Variants in DCC observed in about 807,000 individuals in gnomAD.
The protein encoded by DCC is netrin receptor DCC.
A neutral mutation model predicts 172.5 loss-of-function variants in DCC; 58 were observed. That is an observed-to-expected ratio of 0.34 (90% CI 0.27 to 0.42). The LOEUF is 0.42. Among genes scored for constraint, DCC ranks in the 10% least tolerant of loss-of-function variants. The pLI, the probability that DCC is intolerant of heterozygous loss-of-function variation, is 1.00. For synonymous variants in DCC, 709 were observed against 644.5 expected, an observed-to-expected ratio of 1.10 and a Z score of -1.52; for missense variants, 1,740 against 1,791.0, an observed-to-expected ratio of 0.97 and a Z score of 0.51.
chr18:53,203,734 C>G (rs1267660588), intron 9 of DCC, among the ~76,000 whole-genome samples: 1 of 152,150 alleles, frequency 6.6e-6, no homozygotes, highest in African/African-American at 2.4e-5. Context: ...TACAGGCCTA[C>G]AATGTATATC....
At chr18:52,915,024 C>A (rs1195319625) in intron 3 of DCC, among the ~76,000 whole-genome samples, 3 of 151,970 alleles carry the variant, frequency 2.0e-5, no homozygotes, top group Non-Finnish European at 4.4e-5. Flanking sequence ...ATTCAGAAAG[C>A]ATAAAAATTA....
At chr18:53,087,571 T>C (rs2144164166) in intron 7 of DCC, among the ~76,000 whole-genome samples, 1 of 152,326 alleles carries the variant, frequency 6.6e-6, no homozygotes, top group Non-Finnish European at 1.5e-5. Flanking sequence ...ACTCTGATGG[T>C]AGTTTCTTTT....
At chr18:52,446,056 CT>C (rs1988111650) in intron 1 of DCC, among the ~76,000 whole-genome samples, 1 of 152,038 alleles carries the variant, frequency 6.6e-6, no homozygotes, top group Non-Finnish European at 1.5e-5. Flanking sequence ...CTCAGCCTCT[CT>C]GAGTAGCTGG....
At chr18:53,391,510 T>G (rs955258501) in intron 16 of DCC, 145 bp from the exon 17 acceptor site, 22 of 660,490 alleles carry the variant, frequency 3.3e-5, no homozygotes, top group Admixed American at 1.2e-4. Context: ...ATTAATTACA[T>G]TTTTTTCTGT....
At chr18:52,652,307 T>C (rs2035148851) in intron 1 of DCC, among the ~76,000 whole-genome samples, 1 of 152,184 alleles carries the variant, frequency 6.6e-6, no homozygotes, top group Admixed American at 6.6e-5. Flanking sequence ...TGAGAACAGA[T>C]TTCTGACCTC....
rs569240944 is a variant in DCC at position 52,774,825 on chromosome 18, C to T, written c.412+22451C>T. On this transcript the variant is annotated intron_variant, in intron 2 of 28. Transcript: ENST00000442544. ...GTCGAGGTGAAGGCATATATGACAC[C>T]TCTAGGAATAGTTAGTGTGATTTAC... Among the ~76,000 whole-genome samples the T allele has an allele frequency of 7.9e-5, 12 of 152,286 alleles. No homozygotes were observed. The South Asian group carries it at 2.5e-3, about 32-fold the overall frequency.
intron 5 of DCC, among the ~76,000 whole-genome samples, chr18:53,043,776 C>G (rs1046539859): frequency 6.6e-6 from 1 of 151,880 alleles, no homozygotes; most frequent in Non-Finnish European, 1.5e-5. Context: ...TCTCATTACT[C>G]TGAGTTAGAT....
chr18:52,605,569 G>T (rs557020391), intron 1 of DCC, among the ~76,000 whole-genome samples: 22 of 152,260 alleles, frequency 1.4e-4, no homozygotes, highest in African/African-American at 4.3e-4. Flanking sequence ...CTCAGTAGCG[G>T]ATAGAGAACA....
chr18:53,520,307 CCTCA>C (rs2046385747), intron 27 of DCC, among the ~76,000 whole-genome samples: 1 of 152,072 alleles, frequency 6.6e-6, no homozygotes, highest in Non-Finnish European at 1.5e-5. Context: ...ATGCTCCAGG[CCTCA>C]CTCACTAATC....
At chr18:52,838,325 T>C (rs1006946991) in intron 2 of DCC, among the ~76,000 whole-genome samples, 1 of 152,196 alleles carries the variant, frequency 6.6e-6, no homozygotes, top group Non-Finnish European at 1.5e-5. Flanking sequence ...GGCTCTATTT[T>C]CTTGTCTTAG....
chr18:52,463,116 G>A (rs1185858088), intron 1 of DCC, among the ~76,000 whole-genome samples: 3 of 152,184 alleles, frequency 2.0e-5, no homozygotes, highest in Non-Finnish European at 4.4e-5. Context: ...TCTGCCCTAA[G>A]TGCTGCATTA....
intron 21 of DCC, among the ~76,000 whole-genome samples, chr18:53,425,882 A>C (rs1440002928): frequency 6.6e-6 from 1 of 152,152 alleles, no homozygotes; most frequent in Non-Finnish European, 1.5e-5. Flanking sequence ...ATTTAGTTCC[A>C]CAGTCATCCA....
chr18:52,815,704 T>C (rs1227149991), intron 2 of DCC, among the ~76,000 whole-genome samples: 1 of 152,212 alleles, frequency 6.6e-6, no homozygotes, highest in African/African-American at 2.4e-5. Flanking sequence ...TTTACCCTAA[T>C]TATTGTATTT....
chr18:52,947,032 TATCTC>T (rs1382179405), intron 5 of DCC, among the ~76,000 whole-genome samples: 2 of 152,156 alleles, frequency 1.3e-5, no homozygotes, highest in Non-Finnish European at 2.9e-5. Context: ...TGTTGGGTCT[TATCTC>T]AATATCGATC....
intron 7 of DCC, among the ~76,000 whole-genome samples, chr18:53,092,927 T>G (rs867720035): frequency 6.6e-6 from 1 of 152,016 alleles, no homozygotes; most frequent in African/African-American, 2.4e-5. Flanking sequence ...ATCACAAGAA[T>G]GGAATAAAAG....
Position 53,480,248 on chromosome 18 carries a change from C to G in DCC, c.3737-6549C>G, listed in dbSNP as rs534271235. Among the ~76,000 whole-genome samples the G allele has an allele frequency of 5.3e-5, 8 of 152,250 alleles. No individual in the cohort carries two copies. The South Asian group carries it at 1.7e-3, about 32-fold the overall frequency. ...CTTAAAGTTTCCTTCTCACAGTTCACCCTATTTGATCTTAACACATAGCTC... is the reference window on the plus strand; with the variant it reads ...CTTAAAGTTTCCTTCTCACAGTTCAGCCTATTTGATCTTAACACATAGCTC... On this transcript the variant is annotated intron_variant, in intron 25 of 28. Transcript: ENST00000442544.
rs566156604 is a variant in DCC, at chr18:53,142,485, T to A, written c.1262-14871T>A. 7.9e-5 allele frequency among the ~76,000 whole-genome samples: 12 copies of A among 152,292 alleles called. No homozygotes were observed. In the South Asian group the frequency reaches 2.5e-3, roughly 32 times the overall value. The stretch of plus-strand genomic sequence containing the variant: ...TGCACTCCTAATAGATAAACATCCT[T>A]TTATTATATGTCTTCATGGAGTCTA... On this transcript the variant is annotated intron_variant, in intron 7 of 28. Transcript: ENST00000442544.
In DCC at chr18:53,531,102, A is replaced by G. The variant is rs1421855070; in HGVS notation, c.*449A>G. 7 of 218,820 alleles carry G rather than the reference A, an allele frequency of 3.2e-5. No homozygotes were observed. Among genetic ancestry groups the G allele is most frequent in the Non-Finnish European group, 1.9e-5 (2 of 107,286 alleles). The allele number at this position is 218,820 out of a possible 1,614,324, so 13.6% of individuals were successfully genotyped here. A position where few individuals can be genotyped will look rare whatever the true frequency, so the allele number is the denominator to read the frequency against. ...GCTCACTATTTTGTTTTCAACTTAA[A>G]CATACAAAGCACCCATGGGAATCTC... On this transcript the variant is annotated 3_prime_UTR_variant, in exon 29 of 29. Transcript: ENST00000442544.
intron 1 of DCC, among the ~76,000 whole-genome samples, chr18:52,602,888 C>A (rs564659988): frequency 3.9e-5 from 6 of 152,126 alleles, no homozygotes; most frequent in South Asian, 2.1e-4. Context: ...TCACACTTAA[C>A]CTGGAATATT....
Sources: gnomAD v4.1 joint callset for allele counts (sites outside exome capture counted in the v4.1 genomes callset) on GRCh38, gnomAD v4.1.1 for gene constraint, MANE v1.5 for transcripts, NCBI Gene and HGNC (gene_info 2026-07-23, HGNC 2026-07-21) for gene names.